The following ENTREP2 variants were observed in gnomAD, a reference collection of about 807,000 sequenced individuals.
The protein encoded by ENTREP2 is protein ENTREP2.
the ENTREP2 span, among the ~76,000 whole-genome samples, chr15:29,223,090 A>C: frequency 6.6e-6 from 1 of 152,184 alleles, no homozygotes; most frequent in Non-Finnish European, 1.5e-5. Flanking sequence ...TCAAACAAAG[A>C]AGCTGGGCAG....
At chr15:29,469,238 C>T in the ENTREP2 span, among the ~76,000 whole-genome samples, 3 of 152,270 alleles carry the variant, frequency 2.0e-5, no homozygotes, top group African/African-American at 4.8e-5. Context: ...TTCGCTCTGT[C>T]GCCCAGGCTG....
At chr15:29,251,024 C>G in the ENTREP2 span, among the ~76,000 whole-genome samples, 4 of 152,196 alleles carry the variant, frequency 2.6e-5, no homozygotes, top group Non-Finnish European at 5.9e-5. Flanking sequence ...TGCTGGCCTT[C>G]GTAGATAAGA....
At chr15:29,507,032 C>T in the ENTREP2 span, among the ~76,000 whole-genome samples, 2 of 151,932 alleles carry the variant, frequency 1.3e-5, no homozygotes, top group Admixed American at 6.6e-5. Context: ...CAAAGACACA[C>T]TAGGCTCAAA....
At chr15:29,334,974 G>A in the ENTREP2 span, among the ~76,000 whole-genome samples, 3 of 152,154 alleles carry the variant, frequency 2.0e-5, no homozygotes, top group East Asian at 5.8e-4. Flanking sequence ...ACATTCCATC[G>A]CAGCAGAAAT....
At chr15:29,164,332 A>G in the ENTREP2 span, among the ~76,000 whole-genome samples, 1 of 152,218 alleles carries the variant, frequency 6.6e-6, no homozygotes, top group Non-Finnish European at 1.5e-5. Flanking sequence ...ATGGTACCTC[A>G]CATCTCAATT....
At chr15:29,663,050 C>T in the ENTREP2 span, among the ~76,000 whole-genome samples, 1 of 152,068 alleles carries the variant, frequency 6.6e-6, no homozygotes, top group Admixed American at 6.6e-5. Flanking sequence ...CCCGGAATCC[C>T]GTGCCCAGCC....
chr15:29,396,955 T>A, the ENTREP2 span, among the ~76,000 whole-genome samples: 7 of 152,168 alleles, frequency 4.6e-5, no homozygotes, highest in South Asian at 2.1e-4. Context: ...TGTAAATAAA[T>A]AAGCAGATAG....
At chr15:29,582,853 T>C in the ENTREP2 span, among the ~76,000 whole-genome samples, 1 of 152,086 alleles carries the variant, frequency 6.6e-6, no homozygotes, top group African/African-American at 2.4e-5. Flanking sequence ...GGTTTCTCCA[T>C]GTTGGTCAGG....
At chr15:29,123,937 A>G in the ENTREP2 span, among the ~76,000 whole-genome samples, 1 of 152,146 alleles carries the variant, frequency 6.6e-6, no homozygotes, top group Non-Finnish European at 1.5e-5. Flanking sequence ...TAGAATCCCA[A>G]GGGCACAGGG....
At chr15:29,294,116 G>A in the ENTREP2 span, among the ~76,000 whole-genome samples, 1 of 152,206 alleles carries the variant, frequency 6.6e-6, no homozygotes, top group Non-Finnish European at 1.5e-5. Context: ...TGGGGGGACA[G>A]TCAACACAAG....
chr15:29,657,466 G>A, the ENTREP2 span, among the ~76,000 whole-genome samples: 26 of 106,460 alleles, frequency 2.4e-4, no homozygotes, highest in South Asian at 8.6e-3. Flanking sequence ...GCGAGTTGCC[G>A]CTGTCGGCTG....
the ENTREP2 span, among the ~76,000 whole-genome samples, chr15:29,633,448 C>A: frequency 1.3e-5 from 2 of 150,650 alleles, no homozygotes; most frequent in Non-Finnish European, 2.9e-5. Context: ...TATAAAATTG[C>A]ATTTGATGTT....
chr15:29,630,183 C>T, the ENTREP2 span, among the ~76,000 whole-genome samples: 1 of 152,054 alleles, frequency 6.6e-6, no homozygotes, highest in Non-Finnish European at 1.5e-5. Context: ...AAATTCTATT[C>T]CTTTGTCTGC....
At chr15:29,341,459 G>A in the ENTREP2 span, among the ~76,000 whole-genome samples, 1 of 152,232 alleles carries the variant, frequency 6.6e-6, no homozygotes, top group Non-Finnish European at 1.5e-5. Flanking sequence ...GCCAGTGAAA[G>A]CTGAACTGGT....
chr15:29,655,930 C>A, the ENTREP2 span, among the ~76,000 whole-genome samples: 7 of 149,768 alleles, frequency 4.7e-5, no homozygotes, highest in African/African-American at 1.7e-4. Context: ...GATGCTGAGG[C>A]ATGAGAATCA....
At chr15:29,514,849 G>A in the ENTREP2 span, among the ~76,000 whole-genome samples, 13 of 152,236 alleles carry the variant, frequency 8.5e-5, no homozygotes, top group South Asian at 2.1e-3. Flanking sequence ...AATCATGAAC[G>A]TGAGCAGCTG....
chr15:29,129,404 T>G, the ENTREP2 span, among the ~76,000 whole-genome samples: 3,318 of 152,348 alleles, frequency 0.022, 141 homozygotes, highest in African/African-American at 0.077. Flanking sequence ...TCAGAGAGCC[T>G]GGCAGGGCCA....
At chr15:29,616,373 C>G in the ENTREP2 span, among the ~76,000 whole-genome samples, 43 of 152,134 alleles carry the variant, frequency 2.8e-4, 1 homozygote, top group African/African-American at 1.0e-3. Context: ...GAGACAGACC[C>G]GGTCAGGGCT....
chr15:29,390,387 G>C, the ENTREP2 span, among the ~76,000 whole-genome samples: 13 of 152,050 alleles, frequency 8.5e-5, no homozygotes, highest in Admixed American at 8.5e-4. Context: ...AAAACGAAGA[G>C]GGTTGGGGAA....
Sources: gnomAD v4.1 joint callset for allele counts (sites outside exome capture counted in the v4.1 genomes callset) on GRCh38, gnomAD v4.1.1 for gene constraint, MANE v1.5 for transcripts, NCBI Gene and HGNC (gene_info 2026-07-23, HGNC 2026-07-21) for gene names.